Variants in CA10 observed in about 807,000 individuals in gnomAD.
CA10 encodes carbonic anhydrase-related protein 10.
Under a neutral mutation model 44.2 loss-of-function variants are expected in CA10, and 14 were observed. The ratio of observed to expected loss-of-function variants is 0.32; its 90% CI spans 0.21 to 0.50. The LOEUF (loss-of-function observed/expected upper bound fraction) is 0.50. Ranked by LOEUF, CA10 falls within the 20% of genes least tolerant of loss-of-function variation. CA10 has a pLI of 0.99. For missense variants in CA10, 350 were observed against 409.7 expected, an observed-to-expected ratio of 0.85 and a Z score of 1.26; for synonymous variants, 159 against 141.6, an observed-to-expected ratio of 1.12 and a Z score of -0.87.
At chr17:51,979,336 TA>T (rs1451430822) in intron 2 of CA10, among the ~76,000 whole-genome samples, 1 of 152,186 alleles carries the variant, frequency 6.6e-6, no homozygotes, top group East Asian at 1.9e-4. Flanking sequence ...TAATATTTTT[TA>T]AACTTTTATT....
At chr17:51,851,360 C>T (rs139562365) in intron 3 of CA10, among the ~76,000 whole-genome samples, 17 of 152,284 alleles carry the variant, frequency 1.1e-4, no homozygotes, top group Middle Eastern at 3.4e-3. Context: ...AAAGAAGGCA[C>T]AAACAGAGCC....
intron 2 of CA10, among the ~76,000 whole-genome samples, chr17:51,934,765 T>C (rs1209329727): frequency 1.3e-5 from 2 of 152,130 alleles, no homozygotes; most frequent in Admixed American, 6.5e-5. Flanking sequence ...GGCAAGGTTT[T>C]AGTGCAGATA....
chr17:52,021,453 T>C (rs1405127068), intron 2 of CA10, among the ~76,000 whole-genome samples: 1 of 152,104 alleles, frequency 6.6e-6, no homozygotes, highest in Non-Finnish European at 1.5e-5. Context: ...CTCTTATCTC[T>C]GCAGCCTTGC....
At chr17:52,005,767 A>C (rs1333519443) in intron 2 of CA10, among the ~76,000 whole-genome samples, 3 of 151,904 alleles carry the variant, frequency 2.0e-5, no homozygotes, top group Admixed American at 2.0e-4. Context: ...AAATGTATTG[A>C]TCTCTTGGCT....
intron 2 of CA10, among the ~76,000 whole-genome samples, chr17:52,060,447 G>A (rs1987351983): frequency 6.6e-6 from 1 of 152,038 alleles, no homozygotes; most frequent in Non-Finnish European, 1.5e-5. Flanking sequence ...TATCCAGGTT[G>A]GTTTCTTAGT....
chr17:51,911,896 C>T (rs1024753147), intron 3 of CA10, among the ~76,000 whole-genome samples: 1 of 152,116 alleles, frequency 6.6e-6, no homozygotes, highest in Non-Finnish European at 1.5e-5. Context: ...TAATTGGGCA[C>T]CTACTATGTG....
chr17:52,086,249 T>C (rs573196887), intron 1 of CA10, among the ~76,000 whole-genome samples: 71 of 152,324 alleles, frequency 4.7e-4, no homozygotes, highest in Non-Finnish European at 8.7e-4. Flanking sequence ...AGGCAAACTC[T>C]AAAATCTCAA....
In CA10 at chr17:51,962,760, G is replaced by GA. The variant is rs568458980; in HGVS notation, c.137-31629dup. On this transcript the variant is annotated intron_variant, in intron 2 of 8. Coordinates refer to ENST00000451037, the MANE Select transcript of CA10 (RefSeq NM_020178.5). ...GCTAATGATATTATAGGGAAATAAAGAAAAAAGGGAAAAATCCTACACACA... is the reference window on the plus strand; with the variant it reads ...GCTAATGATATTATAGGGAAATAAAGAAAAAAAGGGAAAAATCCTACACACA... Among the ~76,000 whole-genome samples the GA allele has an allele frequency of 1.3e-3, 204 of 151,866 alleles. No individual in the cohort carries two copies. In the Middle Eastern group the frequency reaches 0.02, roughly 15 times the overall value.
intron 2 of CA10, among the ~76,000 whole-genome samples, chr17:51,961,190 C>CACAA (rs1057466587): frequency 5.3e-4 from 16 of 30,250 alleles, no homozygotes; most frequent in African/African-American, 1.2e-3. Context: ...TACACACAAA[C>CACAA]ACACACACAC....
intron 3 of CA10, among the ~76,000 whole-genome samples, chr17:51,905,938 C>T (rs1433030986): frequency 6.6e-6 from 1 of 152,160 alleles, no homozygotes; most frequent in African/African-American, 2.4e-5. Flanking sequence ...AAACCCTCCT[C>T]TGTCCCTCCA....
chr17:51,799,711 A>C (rs531607926), intron 3 of CA10, among the ~76,000 whole-genome samples: 1 of 152,350 alleles, frequency 6.6e-6, no homozygotes, highest in African/African-American at 2.4e-5. Context: ...GCAAAAACTG[A>C]GTATATTATC....
chr17:52,156,826 G>T (rs1989813625), intron 1 of CA10, among the ~76,000 whole-genome samples: 1 of 152,140 alleles, frequency 6.6e-6, no homozygotes, highest in Non-Finnish European at 1.5e-5. Flanking sequence ...AAATGGGGTG[G>T]GTGCCTTCAA....
chr17:51,819,804 C>T (rs1907694114), intron 3 of CA10, among the ~76,000 whole-genome samples: 4 of 152,156 alleles, frequency 2.6e-5, no homozygotes, highest in Admixed American at 2.6e-4. Flanking sequence ...TTCCTGTTGC[C>T]TCCAGACTCA....
intron 4 of CA10, among the ~76,000 whole-genome samples, chr17:51,685,408 C>A (rs1231637477): frequency 6.6e-6 from 1 of 152,100 alleles, no homozygotes; most frequent in African/African-American, 2.4e-5. Flanking sequence ...CCATCTCCAG[C>A]CCCTTGTGTC....
intron 2 of CA10, among the ~76,000 whole-genome samples, chr17:51,940,653 C>T (rs886173514): frequency 2.0e-5 from 3 of 149,222 alleles, no homozygotes; most frequent in East Asian, 4.0e-4. Flanking sequence ...GACATAGAGA[C>T]GTCAAACTAA....
At chr17:51,926,730 A>G (rs1240823330) in intron 3 of CA10, among the ~76,000 whole-genome samples, 1 of 151,878 alleles carries the variant, frequency 6.6e-6, no homozygotes, top group Non-Finnish European at 1.5e-5. Flanking sequence ...CCTTTTAAGG[A>G]CTCTATGGTT....
chr17:52,101,615 CA>C (rs1340629438), intron 1 of CA10, among the ~76,000 whole-genome samples: 1 of 152,082 alleles, frequency 6.6e-6, no homozygotes, highest in Non-Finnish European at 1.5e-5. Context: ...TCCATTTCAC[CA>C]ATAAAAAATT....
intron 3 of CA10, among the ~76,000 whole-genome samples, chr17:51,888,680 A>T (rs1980720163): frequency 6.6e-6 from 1 of 151,858 alleles, no homozygotes. Context: ...ATAAATTCCA[A>T]TTTGACCGTC....
intron 3 of CA10, among the ~76,000 whole-genome samples, chr17:51,795,343 C>T (rs1906665637): frequency 6.6e-6 from 1 of 152,182 alleles, no homozygotes; most frequent in Admixed American, 6.5e-5. Context: ...GCCATCTAAA[C>T]ACAATTCTGT....
Sources: gnomAD v4.1 joint callset for allele counts (sites outside exome capture counted in the v4.1 genomes callset) on GRCh38, gnomAD v4.1.1 for gene constraint, MANE v1.5 for transcripts, NCBI Gene and HGNC (gene_info 2026-07-23, HGNC 2026-07-21) for gene names.